Variants in SUCLA2 observed in about 807,000 individuals in gnomAD.
The protein encoded by SUCLA2 is succinate-CoA ligase ADP-forming subunit beta, also known as succinate--CoA ligase [ADP-forming] subunit beta, mitochondrial.
In SUCLA2, 30 loss-of-function variants were observed where a neutral mutation model predicts 54.8. The observed-to-expected ratio is 0.55, with a 90% confidence interval of 0.41 to 0.74. The LOEUF (loss-of-function observed/expected upper bound fraction) is 0.74, where lower values mean the gene tolerates loss of function less well. Among genes scored for constraint, SUCLA2 ranks in the 30% least tolerant of loss-of-function variants. SUCLA2 has a pLI of 0.00. For synonymous variants in SUCLA2, 172 were observed against 188.9 expected, an observed-to-expected ratio of 0.91 and a Z score of 0.74; for missense variants, 476 against 562.9, an observed-to-expected ratio of 0.85 and a Z score of 1.56.
At chr13:47,997,113 GTTACA>G (rs1950197936) in intron 1 of SUCLA2, 90 bp from the exon 2 acceptor site, 7 of 1,339,080 alleles carry the variant, frequency 5.2e-6, no homozygotes, top group African/African-American at 2.9e-5. Context: ...TAACAAAACT[GTTACA>G]TTACATTAGC....
At chr13:47,958,665 A>G (rs1949841355) in intron 6 of SUCLA2, among the ~76,000 whole-genome samples, 1 of 152,234 alleles carries the variant, frequency 6.6e-6, no homozygotes. Context: ...CAGCCAAAAC[A>G]AAATGATCTT....
chr13:47,943,584 T>C, intron 10 of SUCLA2, 139 bp from the exon 11 acceptor site: 1 of 733,108 alleles, frequency 1.4e-6, no homozygotes, highest in Middle Eastern at 3.0e-4. Flanking sequence ...ATTACGTTCT[T>C]ATAAGCAAAT....
At chr13:47,955,580 G>C (rs1949814100) in intron 6 of SUCLA2, among the ~76,000 whole-genome samples, 1 of 151,890 alleles carries the variant, frequency 6.6e-6, no homozygotes, top group South Asian at 2.1e-4. Flanking sequence ...AAGGGGAAAA[G>C]AAAGAGAAGA....
chr13:47,948,857 C>G lies in SUCLA2; in HGVS notation c.1317+83G>C. On this transcript the variant is annotated intron_variant, in intron 10 of 10. Coordinates refer to ENST00000646932, the MANE Select transcript of SUCLA2 (RefSeq NM_003850.3). ...ACACTCATAATATTTAGCTGAAACA[C>G]AAATTATTAGCTGTATTAATAATTA... 5 of 1,305,024 alleles carry G rather than the reference C, an allele frequency of 3.8e-6. No individual in the cohort carries two copies. In the South Asian group the frequency reaches 5.9e-5, roughly 15 times the overall value. The allele number at this position is 1,305,024 out of a possible 1,614,324, so 80.8% of individuals were successfully genotyped here.
At chr13:47,982,417 G>C (rs530541474) in intron 4 of SUCLA2, among the ~76,000 whole-genome samples, 1 of 152,154 alleles carries the variant, frequency 6.6e-6, no homozygotes, top group South Asian at 2.1e-4. Flanking sequence ...CCAGGAGCTG[G>C]AGGGAAGTGG....
chr13:47,964,760 G>A (rs1477613742), intron 6 of SUCLA2, among the ~76,000 whole-genome samples: 1 of 152,114 alleles, frequency 6.6e-6, no homozygotes, highest in Admixed American at 6.5e-5. Flanking sequence ...GGGAGGCTGA[G>A]GCAGGAGAAC....
At chr13:47,955,638 C>A (rs1436468045) in intron 6 of SUCLA2, among the ~76,000 whole-genome samples, 1 of 151,880 alleles carries the variant, frequency 6.6e-6, no homozygotes, top group Non-Finnish European at 1.5e-5. Flanking sequence ...ATCCATAAAG[C>A]CTAAAATACT....
At chr13:47,965,543 A>G in intron 6 of SUCLA2, 1 of 397,592 alleles carries the variant, frequency 2.5e-6, no homozygotes, top group Non-Finnish European at 4.4e-6. Context: ...GAAAAACAGG[A>G]ACAACAAAAA....
chr13:47,973,210 A>C, intron 5 of SUCLA2, 54 bp downstream of exon 5: 1 of 1,463,706 alleles, frequency 6.8e-7, no homozygotes, highest in Admixed American at 1.7e-5. Flanking sequence ...GGTTATCTTT[A>C]AGTATCATAA....
At chr13:47,988,724 C>CA in intron 3 of SUCLA2, 21 bp from the exon 4 acceptor site, 1 of 1,612,840 alleles carries the variant, frequency 6.2e-7, no homozygotes, top group Non-Finnish European at 8.5e-7. Context: ...AAAAAGAACT[C>CA]AAATTTTTCT....
intron 6 of SUCLA2, among the ~76,000 whole-genome samples, chr13:47,964,639 C>T (rs1447252632): frequency 6.6e-6 from 1 of 152,146 alleles, no homozygotes; most frequent in Non-Finnish European, 1.5e-5. Flanking sequence ...GGGCGGATCA[C>T]AAGGCCAGGA....
chr13:47,966,778 G>A (rs969986622), intron 6 of SUCLA2, among the ~76,000 whole-genome samples: 1 of 151,384 alleles, frequency 6.6e-6, no homozygotes, highest in Non-Finnish European at 1.5e-5. Context: ...CACTTCAGGA[G>A]CTGAGGTAAG....
rs540797890 is a variant in SUCLA2 at position 47,970,961 on chromosome 13, G to A, written c.664-2228C>T. Among the ~76,000 whole-genome samples, 16 of 152,224 alleles carry A rather than the reference G, an allele frequency of 1.1e-4. 1 individual carries two copies. In the South Asian group the frequency reaches 1.2e-3, roughly 12 times the overall value. On this transcript the variant is annotated intron_variant, in intron 5 of 10. Coordinates refer to ENST00000646932, the MANE Select transcript of SUCLA2 (RefSeq NM_003850.3). ...TGTTTAAGGAGAATGGTGTGAACCC[G>A]GGAGGCAGAGCTTGCAGTGAGTCAG... is the stretch of plus-strand genomic sequence containing the variant.
intron 6 of SUCLA2, among the ~76,000 whole-genome samples, chr13:47,957,075 A>C (rs1031491249): frequency 6.6e-6 from 1 of 151,994 alleles, no homozygotes; most frequent in Non-Finnish European, 1.5e-5. Context: ...AAGAACTGAA[A>C]CTCACCAGAT....
intron 10 of SUCLA2, among the ~76,000 whole-genome samples, chr13:47,947,716 C>T (rs9534877): frequency 0.73 from 110,884 of 152,010 alleles, 41,394 homozygotes; most frequent in Non-Finnish European, 0.82. Context: ...AGCCTACAGA[C>T]TGAACTCCCA....
chr13:47,994,871 G>T (rs926768627), intron 2 of SUCLA2: 1 of 984,870 alleles, frequency 1.0e-6, no homozygotes, highest in African/African-American at 1.7e-5. Flanking sequence ...AGTTTATCCT[G>T]CACATATTAT....
intron 9 of SUCLA2, 79 bp downstream of exon 9, chr13:47,949,404 T>G: frequency 6.6e-7 from 1 of 1,509,022 alleles, no homozygotes; most frequent in South Asian, 1.1e-5. Flanking sequence ...TTAAAAACTA[T>G]GTTTTAACAA....
At chr13:47,971,423 A>T (rs1419335195) in intron 5 of SUCLA2, 1 of 152,776 alleles carries the variant, frequency 6.5e-6, no homozygotes, top group Non-Finnish European at 1.5e-5. Context: ...TCCATCTCAA[A>T]AACAAACAAA....
intron 4 of SUCLA2, chr13:47,988,139 T>C (rs1950118473): frequency 5.1e-6 from 1 of 197,164 alleles, no homozygotes; most frequent in South Asian, 1.7e-4. Flanking sequence ...ACCCAAGAAG[T>C]TGAGAAAACA....
Sources: allele counts gnomAD v4.1 joint callset (sites outside exome capture counted in the v4.1 genomes callset), GRCh38; gene constraint gnomAD v4.1.1; transcripts MANE v1.5; gene names NCBI Gene and HGNC (gene_info 2026-07-23, HGNC 2026-07-21).